Variants in CDK19 observed in about 807,000 individuals in gnomAD.
The protein encoded by CDK19 is cyclin-dependent kinase 19.
Under a neutral mutation model 68.3 loss-of-function variants are expected in CDK19, and 20 were observed. The ratio of observed to expected loss-of-function variants is 0.29; its 90% CI spans 0.21 to 0.43. The LOEUF (loss-of-function observed/expected upper bound fraction) is 0.43. Among genes scored for constraint, CDK19 ranks in the 20% least tolerant of loss-of-function variants. CDK19 has a pLI of 1.00. For missense variants in CDK19, 339 were observed against 623.5 expected (o/e 0.54, Z 4.86); for synonymous variants, 221 against 222.8 (o/e 0.99, Z 0.07).
intron 3 of CDK19, among the ~76,000 whole-genome samples, chr6:110,668,942 T>A (rs1282800851): frequency 6.6e-6 from 1 of 152,218 alleles, no homozygotes; most frequent in Non-Finnish European, 1.5e-5. Flanking sequence ...TGTCAGTTTA[T>A]TGCTTAAGTT....
intron 12 of CDK19, 97 bp from the exon 13 acceptor site, chr6:110,614,763 T>C: frequency 1.6e-6 from 2 of 1,278,378 alleles, no homozygotes; most frequent in Non-Finnish European, 2.2e-6. Flanking sequence ...CCGTTTTCAT[T>C]AGGTTCCTGG....
At chr6:110,723,135 C>CAAAAAAAA (rs760048229) in intron 2 of CDK19, among the ~76,000 whole-genome samples, 1 of 65,486 alleles carries the variant, frequency 1.5e-5, no homozygotes, top group Non-Finnish European at 3.3e-5. Flanking sequence ...AAGGCTTTGT[C>CAAAAAAAA]AAAAAAAACA....
At chr6:110,711,960 G>A (rs9487495) in intron 2 of CDK19, among the ~76,000 whole-genome samples, 2,014 of 152,336 alleles carry the variant, frequency 0.013, 58 homozygotes, top group African/African-American at 0.046. Flanking sequence ...GTGACACTGC[G>A]AGACTCCGTC....
intron 2 of CDK19, among the ~76,000 whole-genome samples, chr6:110,676,792 A>G (rs1221291789): frequency 6.6e-6 from 1 of 152,244 alleles, no homozygotes; most frequent in Admixed American, 6.5e-5. Context: ...TATAATAAAT[A>G]TGACTTCACT....
chr6:110,796,524 T>C (rs909803962), intron 1 of CDK19, among the ~76,000 whole-genome samples: 2 of 151,474 alleles, frequency 1.3e-5, no homozygotes, highest in African/African-American at 4.9e-5. Flanking sequence ...CATGGTGGCA[T>C]GCACCTTCCA....
chr6:110,699,634 G>A (rs6916804), intron 2 of CDK19, among the ~76,000 whole-genome samples: 10,305 of 151,740 alleles, frequency 0.068, 1,205 homozygotes, highest in African/African-American at 0.24. Context: ...ACACTACTCG[G>A]GTATGAGGTG....
chr6:110,727,750 A>C (rs926397456), intron 2 of CDK19, among the ~76,000 whole-genome samples: 2 of 151,270 alleles, frequency 1.3e-5, no homozygotes, highest in African/African-American at 4.9e-5. Flanking sequence ...AGGCAGGCAG[A>C]CTGCTTGAGC....
At chr6:110,732,509 G>A (rs1355363561) in intron 2 of CDK19, among the ~76,000 whole-genome samples, 1 of 151,798 alleles carries the variant, frequency 6.6e-6, no homozygotes, top group African/African-American at 2.4e-5. Flanking sequence ...ACACTCCAGC[G>A]TGGGCAACAA....
intron 2 of CDK19, among the ~76,000 whole-genome samples, chr6:110,730,682 G>A (rs1288161498): frequency 6.6e-6 from 1 of 152,118 alleles, no homozygotes; most frequent in Admixed American, 6.6e-5. Flanking sequence ...CTTCTTCTGA[G>A]GCATCTTTGA....
chr6:110,629,704 G>A (rs1031467364), intron 6 of CDK19, among the ~76,000 whole-genome samples: 1 of 152,148 alleles, frequency 6.6e-6, no homozygotes, highest in African/African-American at 2.4e-5. Context: ...GTACGAAAAA[G>A]TGAATAAGTA....
At chr6:110,768,805 A>G (rs1004663303) in intron 1 of CDK19, among the ~76,000 whole-genome samples, 2 of 152,190 alleles carry the variant, frequency 1.3e-5, no homozygotes. Context: ...GGTTAAATAC[A>G]TATCATTACA....
At chr6:110,698,600 T>C (rs1773696731) in intron 2 of CDK19, among the ~76,000 whole-genome samples, 1 of 152,032 alleles carries the variant, frequency 6.6e-6, no homozygotes, top group Non-Finnish European at 1.5e-5. Context: ...GTATGGAAAA[T>C]TCTTAAAGAA....
chr6:110,655,045 T>G (rs542624775), intron 4 of CDK19, among the ~76,000 whole-genome samples: 62 of 152,146 alleles, frequency 4.1e-4, no homozygotes, highest in Middle Eastern at 3.4e-3. Context: ...TTTTAAAAGT[T>G]ATTATTTTAC....
intron 4 of CDK19, 132 bp from the exon 5 acceptor site, chr6:110,638,838 C>A: frequency 1.7e-6 from 1 of 597,356 alleles, no homozygotes; most frequent in Non-Finnish European, 3.0e-6. Context: ...ATTAAGCACC[C>A]TCTACATAGT....
At chr6:110,754,100 G>C (rs2114917814) in intron 1 of CDK19, among the ~76,000 whole-genome samples, 1 of 151,164 alleles carries the variant, frequency 6.6e-6, no homozygotes, top group East Asian at 2.0e-4. Flanking sequence ...TGTAATCACG[G>C]CTCACTGCAG....
intron 12 of CDK19, among the ~76,000 whole-genome samples, chr6:110,618,785 T>C (rs1436423543): frequency 6.6e-6 from 1 of 150,386 alleles, no homozygotes; most frequent in East Asian, 2.0e-4. Flanking sequence ...CAAGACCCTG[T>C]AAAACTTCCT....
In CDK19 at chr6:110,623,435, G is replaced by A. The variant is rs1462396180; in HGVS notation, c.861-73C>T. ...TGATATTTCTTAATGATAAGCTCCA[G>A]GATTGGCTTTCCTATAAGGTATGTG... On this transcript the variant is annotated intron_variant, in intron 8 of 12. Coordinates refer to ENST00000368911, the MANE Select transcript of CDK19 (RefSeq NM_015076.5). 2.6e-6 allele frequency: 4 copies of A among 1,564,552 alleles called. No homozygotes were observed. The African/African-American group carries it at 4.1e-5, about 16-fold the overall frequency.
chr6:110,729,378 G>C (rs1278443594), intron 2 of CDK19, among the ~76,000 whole-genome samples: 1 of 152,076 alleles, frequency 6.6e-6, no homozygotes, highest in Non-Finnish European at 1.5e-5. Context: ...TTTACACTAA[G>C]ATAAAGAACA....
intron 1 of CDK19, among the ~76,000 whole-genome samples, chr6:110,780,036 G>A (rs1490103034): frequency 6.6e-6 from 1 of 152,026 alleles, no homozygotes; most frequent in African/African-American, 2.4e-5. Flanking sequence ...TGGCCAACAT[G>A]GCAAAACCCC....
Sources: gnomAD v4.1 joint callset for allele counts (sites outside exome capture counted in the v4.1 genomes callset) on GRCh38, gnomAD v4.1.1 for gene constraint, MANE v1.5 for transcripts, NCBI Gene and HGNC (gene_info 2026-07-23, HGNC 2026-07-21) for gene names.